The following FSTL5 variants were observed in gnomAD, a reference collection of about 807,000 sequenced individuals.
FSTL5 encodes the protein follistatin-related protein 5.
Under a neutral mutation model 89.1 loss-of-function variants are expected in FSTL5, and 62 were observed. The observed-to-expected ratio is 0.70, with a 90% CI of 0.57 to 0.86. FSTL5 has a LOEUF of 0.86. Ranked by LOEUF, FSTL5 falls within the 40% of genes least tolerant of loss-of-function variation. The pLI, the probability that FSTL5 is intolerant of heterozygous loss-of-function variation, is 0.00. For synonymous variants in FSTL5, 383 were observed against 346.2 expected, an observed-to-expected ratio of 1.11 and a Z score of -1.18; for missense variants, 1,057 against 1,001.6, an observed-to-expected ratio of 1.06 and a Z score of -0.75.
chr4:161,614,886 C>T (rs1049829966), intron 7 of FSTL5, among the ~76,000 whole-genome samples: 3 of 151,964 alleles, frequency 2.0e-5, no homozygotes, highest in East Asian at 3.9e-4. Context: ...AATATATGAA[C>T]GCTTAATTAT....
intron 3 of FSTL5, among the ~76,000 whole-genome samples, chr4:161,966,366 ATCT>A (rs1735327314): frequency 6.6e-6 from 1 of 152,118 alleles, no homozygotes; most frequent in Admixed American, 6.6e-5. Context: ...TACTCAGGAA[ATCT>A]TCTGTGAGAC....
At chr4:162,061,541 G>A (rs141655164) in intron 2 of FSTL5, among the ~76,000 whole-genome samples, 1 of 152,298 alleles carries the variant, frequency 6.6e-6, no homozygotes, top group East Asian at 1.9e-4. Context: ...CTACTCTGAT[G>A]ACTCTCAGAA....
chr4:161,516,191 T>C (rs1730822902), intron 10 of FSTL5, among the ~76,000 whole-genome samples: 1 of 149,014 alleles, frequency 6.7e-6, no homozygotes, highest in African/African-American at 2.4e-5. Flanking sequence ...GAGAAAACTT[T>C]TACCTTCTGC....
At chr4:161,567,326 C>A (rs533524180) in intron 8 of FSTL5, among the ~76,000 whole-genome samples, 3 of 152,020 alleles carry the variant, frequency 2.0e-5, no homozygotes, top group Non-Finnish European at 4.4e-5. Context: ...AGTACACATG[C>A]AAATTGCAAA....
intron 4 of FSTL5, among the ~76,000 whole-genome samples, chr4:161,792,058 G>A (rs1560848776): frequency 6.6e-6 from 1 of 152,168 alleles, no homozygotes; most frequent in African/African-American, 2.4e-5. Flanking sequence ...CTGCACCCTT[G>A]GTGGCCCAAG....
chr4:161,616,789 C>G (rs1288217861), intron 7 of FSTL5, among the ~76,000 whole-genome samples: 2 of 150,872 alleles, frequency 1.3e-5, no homozygotes, highest in Non-Finnish European at 2.9e-5. Flanking sequence ...ATAGGTGCAG[C>G]AAACCACCCT....
chr4:161,532,850 C>CA (rs960458435), intron 10 of FSTL5, among the ~76,000 whole-genome samples: 3 of 151,708 alleles, frequency 2.0e-5, no homozygotes, highest in Admixed American at 6.6e-5. Flanking sequence ...TTAATAAATG[C>CA]AAAAAAATCA....
chr4:161,500,344 T>C (rs1028632234), intron 11 of FSTL5, among the ~76,000 whole-genome samples: 2 of 152,072 alleles, frequency 1.3e-5, no homozygotes, highest in Non-Finnish European at 2.9e-5. Flanking sequence ...TGTGCTGCAG[T>C]TTAGTGGTTT....
chr4:161,715,038 A>T (rs527250902), intron 6 of FSTL5, among the ~76,000 whole-genome samples: 28 of 152,242 alleles, frequency 1.8e-4, no homozygotes, highest in Non-Finnish European at 3.4e-4. Context: ...ACAACTAATA[A>T]TTTTTGATTA....
In FSTL5 at chr4:162,102,256, C is replaced by T. The variant is rs1193390653; in HGVS notation, c.126+9015G>A. ...TCACCTGTGTCCTAATATTCTGATGCTTCTTTATCTATAAAAGGATCACTG... is the reference window on the plus strand; with the variant it reads ...TCACCTGTGTCCTAATATTCTGATGTTTCTTTATCTATAAAAGGATCACTG... On this transcript the variant is annotated intron_variant, in intron 2 of 15. Coordinates refer to ENST00000306100, the MANE Select transcript of FSTL5 (RefSeq NM_020116.5). Among the ~76,000 whole-genome samples, 3 of 151,900 alleles carry T rather than the reference C, an allele frequency of 2.0e-5. No homozygotes were observed. The East Asian group carries it at 5.8e-4, about 29-fold the overall frequency.
chr4:161,682,959 C>T (rs1737577921), intron 6 of FSTL5, among the ~76,000 whole-genome samples: 1 of 152,040 alleles, frequency 6.6e-6, no homozygotes, highest in Non-Finnish European at 1.5e-5. Context: ...ATTGGCCAGG[C>T]TGTTCTCGAA....
intron 4 of FSTL5, among the ~76,000 whole-genome samples, chr4:161,919,878 A>T (rs1003342038): frequency 9.9e-5 from 15 of 152,238 alleles, no homozygotes; most frequent in Admixed American, 3.9e-4. Flanking sequence ...ACTTTAAAAA[A>T]AATTTAACTA....
intron 1 of FSTL5, among the ~76,000 whole-genome samples, chr4:162,112,903 T>C (rs529028409): frequency 6.6e-5 from 10 of 152,150 alleles, no homozygotes; most frequent in African/African-American, 2.4e-4. Flanking sequence ...GTGGAAGAAA[T>C]TGTCACTTTC....
intron 3 of FSTL5, among the ~76,000 whole-genome samples, chr4:162,002,639 G>A (rs1317687902): frequency 1.3e-5 from 2 of 152,168 alleles, no homozygotes; most frequent in African/African-American, 2.4e-5. Context: ...AGAGATTCCA[G>A]TAGAGTCAGA....
chr4:161,567,704 G>A (rs918720904), intron 8 of FSTL5, among the ~76,000 whole-genome samples: 1 of 152,036 alleles, frequency 6.6e-6, no homozygotes, highest in African/African-American at 2.4e-5. Flanking sequence ...AATTCTAGCT[G>A]AATGAATTTA....
At chr4:161,886,124 C>A (rs966617444) in intron 4 of FSTL5, among the ~76,000 whole-genome samples, 5 of 152,166 alleles carry the variant, frequency 3.3e-5, no homozygotes, top group African/African-American at 1.2e-4. Flanking sequence ...CCTCCCTACA[C>A]AGAGATTACT....
chr4:162,071,373 A>G (rs4475102), intron 2 of FSTL5, among the ~76,000 whole-genome samples: 8,616 of 151,784 alleles, frequency 0.057, 346 homozygotes, highest in East Asian at 0.11. Context: ...ATAGACTTTA[A>G]GTAAAAAAAC....
intron 3 of FSTL5, among the ~76,000 whole-genome samples, chr4:161,926,281 T>C (rs1240851264): frequency 6.6e-6 from 1 of 151,924 alleles, no homozygotes; most frequent in African/African-American, 2.4e-5. Context: ...GACAATCCTT[T>C]TCAACGGTCA....
At chr4:161,975,672 G>T (rs553059247) in intron 3 of FSTL5, among the ~76,000 whole-genome samples, 2 of 151,360 alleles carry the variant, frequency 1.3e-5, no homozygotes, top group Non-Finnish European at 2.9e-5. Context: ...GTTAGTGGGT[G>T]CAGCGCACCA....
Sources: allele counts gnomAD v4.1 joint callset (sites outside exome capture counted in the v4.1 genomes callset), GRCh38; gene constraint gnomAD v4.1.1; transcripts MANE v1.5; gene names NCBI Gene and HGNC (gene_info 2026-07-23, HGNC 2026-07-21).